ARHGEF9: variants seen among roughly 807,000 people sequenced by gnomAD.
ARHGEF9 encodes the protein Cdc42 guanine nucleotide exchange factor 9, also known as rho guanine nucleotide exchange factor 9.
Under a neutral mutation model 41.3 loss-of-function variants are expected in ARHGEF9, and 2 were observed. The observed-to-expected ratio is 0.05, with a 90% CI of 0.02 to 0.15. The LOEUF is 0.15. ARHGEF9 is among the 10% of genes least tolerant of loss of function. ARHGEF9 has a pLI of 1.00. For missense variants in ARHGEF9, 225 were observed against 424.7 expected, an observed-to-expected ratio of 0.53 and a Z score of 4.13; for synonymous variants, 160 against 154.4, an observed-to-expected ratio of 1.04 and a Z score of -0.27.
intron 3 of ARHGEF9, among the ~76,000 whole-genome samples, chrX:63,703,872 G>A (rs782396537): frequency 1.8e-5 from 2 of 111,479 alleles, no homozygotes; most frequent in Non-Finnish European, 3.8e-5. Flanking sequence ...TGGGAGCCAT[G>A]TAAATGTGGG....
At chrX:63,712,474 T>A (rs1455699377) in intron 2 of ARHGEF9, among the ~76,000 whole-genome samples, 1 of 111,947 alleles carries the variant, frequency 8.9e-6, no homozygotes, top group African/African-American at 3.2e-5. Flanking sequence ...GTTTTAAATG[T>A]TCTCACTACA....
At chrX:63,761,057 G>C (rs1244511935) in intron 1 of ARHGEF9, among the ~76,000 whole-genome samples, 1 of 111,380 alleles carries the variant, frequency 9.0e-6, no homozygotes, top group Non-Finnish European at 1.9e-5. Flanking sequence ...GGAGTGATTA[G>C]CTCCTCAGTC....
At chrX:63,690,104 AC>A (rs1340200303) in intron 4 of ARHGEF9, among the ~76,000 whole-genome samples, 3 of 111,888 alleles carry the variant, frequency 2.7e-5, no homozygotes, top group Non-Finnish European at 5.7e-5. Flanking sequence ...GAAGGCAAGA[AC>A]AAACCAAACC....
chrX:63,724,437 G>A lies in ARHGEF9; in HGVS notation c.210+95C>T, dbSNP rs1251657185. 3 of 999,657 alleles carry A rather than the reference G, an allele frequency of 3.0e-6. No individual in the cohort carries two copies. The African/African-American group carries it at 5.8e-5, about 19-fold the overall frequency. The allele number at this position is 999,657 out of a possible 1,213,427, so 82.4% of individuals were successfully genotyped here. ...GAAAAAAATATGAGAAAAGCCACCA[G>A]GAGAGAAATAAACAGGAGAACAGAG... On this transcript the variant is annotated intron_variant, in intron 2 of 9. Coordinates refer to ENST00000671741, the MANE Select transcript of ARHGEF9 (RefSeq NM_001353921.2).
At chrX:63,710,002 C>T (rs575967899) in intron 2 of ARHGEF9, among the ~76,000 whole-genome samples, 3 of 108,320 alleles carry the variant, frequency 2.8e-5, no homozygotes, top group South Asian at 3.9e-4. Flanking sequence ...ATACATTATA[C>T]AAGAACACAT....
intron 3 of ARHGEF9, among the ~76,000 whole-genome samples, chrX:63,701,028 G>A (rs1201590084): frequency 2.7e-5 from 3 of 111,728 alleles, no homozygotes; most frequent in African/African-American, 9.8e-5. Context: ...GCATTGTTAT[G>A]GTAACAGCAA....
Position 63,785,159 on chromosome X carries a change from T to C in ARHGEF9, c.-14A>G. 8.6e-7 allele frequency: 1 copy of C among 1,163,685 alleles called. No individual in the cohort carries two copies. Among genetic ancestry groups the C allele is most frequent in the East Asian group, 3.3e-5 (1 of 30,610 alleles). On this transcript the variant is annotated 5_prime_UTR_variant, in exon 1 of 10. Transcript: ENST00000671741. Reference sequence around the variant, plus strand: ...TATCCACTGCATGGTGCTTGCGAAGTCCGGCTTCTCTGAGGCCCCGTAGCT... The same window carrying C: ...TATCCACTGCATGGTGCTTGCGAAGCCCGGCTTCTCTGAGGCCCCGTAGCT...
chrX:63,751,848 A>C (rs1297904715), intron 1 of ARHGEF9, among the ~76,000 whole-genome samples: 1 of 99,916 alleles, frequency 1.0e-5, no homozygotes. Flanking sequence ...CCCCCCACAC[A>C]CCCCCATGAA....
chrX:63,755,422 A>G, intron 1 of ARHGEF9: 3 of 299,607 alleles, frequency 1.0e-5, no homozygotes, highest in East Asian at 1.0e-4. Context: ...GATGGGGAGG[A>G]AAAGGACTGG....
At position 63,655,632 on chromosome X, in the gene ARHGEF9, T is replaced by C. The variant is rs781988728; in HGVS notation, c.1183A>G (p.Met395Val). 20 of 1,209,787 alleles carry C rather than the reference T, an allele frequency of 1.7e-5. No individual in the cohort carries two copies. In the East Asian group the frequency reaches 4.7e-4, roughly 29 times the overall value. ...DGRDDDFNVS[M>V]KNAFKLHNKE... The stretch of plus-strand genomic sequence containing the variant: ...TTGTGAAGCTTAAAGGCATTCTTCA[T>C]GCTGACATTGAAGTCATCATCTCTG... Residue 395 changes from methionine (M) to valine (V), a missense_variant, in exon 8 of 10, where the codon ATG (methionine) becomes GTG (valine). Met to Val is a conservative substitution (Grantham distance 21, BLOSUM62 1). Around this residue, in one of 3 missense-constraint regions of ARHGEF9, gnomAD observed 75 missense variants for 113.2 expected, o/e 0.66. Coordinates refer to ENST00000671741, the MANE Select transcript of ARHGEF9 (RefSeq NM_001353921.2).
At chrX:63,644,201 A>G (rs2047839976) in intron 8 of ARHGEF9, 153 bp from the exon 9 acceptor site, 1 of 398,362 alleles carries the variant, frequency 2.5e-6, no homozygotes, top group Non-Finnish European at 4.2e-6. Context: ...TTAACCCAGT[A>G]ATTTCTAGGA....
chrX:63,643,835 T>C (rs2047812549), intron 9 of ARHGEF9, 145 bp downstream of exon 9: 8 of 519,163 alleles, frequency 1.5e-5, no homozygotes, highest in Middle Eastern at 3.4e-4. Context: ...AACCATTTGC[T>C]ACCTGTCATC....
rs1445734202 is a variant in ARHGEF9 at position 63,781,950 on chromosome X, G to C, written c.30+3166C>G. Among the ~76,000 whole-genome samples the C allele has an allele frequency of 2.7e-5, 3 of 112,057 alleles. No individual in the cohort carries two copies. In the Admixed American group the frequency reaches 2.8e-4, roughly 11 times the overall value. ...TCTCCTAAACATATACACAGAGCTT[G>C]TTCCTGCACTTCCTTCACATCTTTG... On this transcript the variant is annotated intron_variant, in intron 1 of 9. Coordinates refer to ENST00000671741, the MANE Select transcript of ARHGEF9 (RefSeq NM_001353921.2).
chrX:63,653,292 T>C (rs1308058186), intron 8 of ARHGEF9, among the ~76,000 whole-genome samples: 2 of 111,671 alleles, frequency 1.8e-5, no homozygotes, highest in East Asian at 5.7e-4. Context: ...CATGAGCTTC[T>C]CTTCCTGACT....
chrX:63,740,407 A>T (rs1403046483), intron 1 of ARHGEF9, among the ~76,000 whole-genome samples: 2 of 112,126 alleles, frequency 1.8e-5, no homozygotes, highest in African/African-American at 6.5e-5. Flanking sequence ...CAGCTTAGGG[A>T]CAATGATGAT....
intron 1 of ARHGEF9, 78 bp from the exon 2 acceptor site, chrX:63,724,789 T>G: frequency 2.8e-5 from 26 of 943,731 alleles, no homozygotes; most frequent in Non-Finnish European, 3.5e-5. Context: ...AGAGCTCTAC[T>G]ACTTACAGAG....
chrX:63,673,938 C>G, intron 6 of ARHGEF9, 100 bp downstream of exon 6: 1 of 1,042,038 alleles, frequency 9.6e-7, no homozygotes, highest in Non-Finnish European at 1.3e-6. Context: ...CTTACTGTTG[C>G]TCTTCAAATG....
chrX:63,640,404 T>TG (rs1490205700), intron 9 of ARHGEF9: 4 of 111,923 alleles, frequency 3.6e-5, no homozygotes, highest in Non-Finnish European at 7.5e-5. Flanking sequence ...GGTAGATTGA[T>TG]TACTCACATT....
At chrX:63,776,533 C>A (rs1454067617) in intron 1 of ARHGEF9, among the ~76,000 whole-genome samples, 1 of 111,872 alleles carries the variant, frequency 8.9e-6, no homozygotes, top group African/African-American at 3.3e-5. Context: ...ATGTAAAAAT[C>A]ATTCTTAGCT....
Sources: gnomAD v4.1 joint callset for allele counts (sites outside exome capture counted in the v4.1 genomes callset) on GRCh38, gnomAD v4.1.1 for gene constraint, gnomAD v4.1.1 regional missense constraint, MANE v1.5 for transcripts, NCBI Gene and HGNC (gene_info 2026-07-23, HGNC 2026-07-21) for gene names.